The following TRPS1 variants were observed in gnomAD, a reference collection of about 807,000 sequenced individuals.
TRPS1 encodes transcriptional repressor GATA binding 1.
In TRPS1, 6 loss-of-function variants were observed where a neutral mutation model predicts 101.2. The ratio of observed to expected loss-of-function variants is 0.06; its 90% CI spans 0.03 to 0.12. TRPS1 has a LOEUF of 0.12. Ranked by LOEUF, TRPS1 falls within the 10% of genes least tolerant of loss-of-function variation. The pLI is 1.00. For synonymous variants in TRPS1, 578 were observed against 589.8 expected, an observed-to-expected ratio of 0.98 and a Z score of 0.29; for missense variants, 1,363 against 1,567.0, an observed-to-expected ratio of 0.87 and a Z score of 2.20.
At chr8:115,461,700 G>C (rs1232663702) in intron 5 of TRPS1, among the ~76,000 whole-genome samples, 1 of 152,088 alleles carries the variant, frequency 6.6e-6, no homozygotes, top group Non-Finnish European at 1.5e-5. Context: ...AACATATTAT[G>C]AAGTTTTCTT....
intron 1 of TRPS1, among the ~76,000 whole-genome samples, chr8:115,629,926 A>T (rs1326963260): frequency 6.6e-6 from 1 of 151,868 alleles, no homozygotes; most frequent in African/African-American, 2.4e-5. Flanking sequence ...TATAGACCCT[A>T]TCTCACCCTT....
intron 5 of TRPS1, among the ~76,000 whole-genome samples, chr8:115,452,098 C>T (rs2129931294): frequency 6.6e-6 from 1 of 152,270 alleles, no homozygotes; most frequent in East Asian, 1.9e-4. Context: ...TTTATTTTAA[C>T]AAGTGTGAGT....
At chr8:115,468,802 G>GA (rs1229766354) in intron 5 of TRPS1, among the ~76,000 whole-genome samples, 1 of 151,950 alleles carries the variant, frequency 6.6e-6, no homozygotes, top group African/African-American at 2.4e-5. Context: ...AATACATTTT[G>GA]AAAAAGGGAT....
At chr8:115,490,425 A>G (rs1814992775) in intron 5 of TRPS1, among the ~76,000 whole-genome samples, 1 of 152,178 alleles carries the variant, frequency 6.6e-6, no homozygotes, top group Admixed American at 6.5e-5. Flanking sequence ...TCTACTATAT[A>G]CACACATATG....
intron 5 of TRPS1, among the ~76,000 whole-genome samples, chr8:115,465,502 T>C (rs1045127595): frequency 1.3e-5 from 2 of 152,130 alleles, no homozygotes; most frequent in Non-Finnish European, 2.9e-5. Flanking sequence ...CTTAAATTTA[T>C]ATAAAAAATA....
chr8:115,453,141 CT>C (rs1813922885), intron 5 of TRPS1, among the ~76,000 whole-genome samples: 2 of 152,050 alleles, frequency 1.3e-5, no homozygotes, highest in African/African-American at 4.8e-5. Context: ...CTGCCTCAGC[CT>C]CCAGAGTAGC....
Position 115,418,247 on chromosome 8 carries a change from C to T in TRPS1, c.2823+83G>A. 6.2e-7 allele frequency: 1 copy of T among 1,611,846 alleles called. No individual in the cohort carries two copies. The highest frequency in any genetic ancestry group is 8.5e-7 in the Non-Finnish European group (1 of 1,178,640). ...CCCTGCGGGGGCAGGCACTGCAAGC[C>T]AGGGAATGGGACTTATCACACCACA... is the stretch of plus-strand genomic sequence containing the variant. On this transcript the variant is annotated intron_variant, in intron 6 of 6. Coordinates refer to ENST00000395715, the MANE Select transcript of TRPS1 (RefSeq NM_014112.5). The surrounding 1 kb of genome is among the most constrained non-coding windows in gnomAD (Gnocchi z 4.3).
At chr8:115,642,242 C>CATA (rs199493120) in intron 1 of TRPS1, among the ~76,000 whole-genome samples, 17,975 of 148,284 alleles carry the variant, frequency 0.12, 1,638 homozygotes, top group African/African-American at 0.24. Flanking sequence ...GAAAAGAAAC[C>CATA]TGTGTGTATA....
intron 1 of TRPS1, among the ~76,000 whole-genome samples, chr8:115,624,441 A>G (rs893788691): frequency 1.3e-5 from 2 of 151,956 alleles, no homozygotes; most frequent in Non-Finnish European, 2.9e-5. Flanking sequence ...GCAGGCCTAC[A>G]TTACATTATT....
chr8:115,439,478 A>C (rs903529117), intron 5 of TRPS1, among the ~76,000 whole-genome samples: 1 of 152,230 alleles, frequency 6.6e-6, no homozygotes, highest in African/African-American at 2.4e-5. Flanking sequence ...TAACTATGTA[A>C]TGTTCTTCAG....
chr8:115,529,107 T>C (rs1275712125), intron 5 of TRPS1, among the ~76,000 whole-genome samples: 1 of 151,868 alleles, frequency 6.6e-6, no homozygotes, highest in Admixed American at 6.6e-5. Flanking sequence ...ACAGGGAATA[T>C]AAAAAGGAAA....
chr8:115,652,024 C>G lies in TRPS1; in HGVS notation c.-122+16521G>C, dbSNP rs551783248. On this transcript the variant is annotated intron_variant, in intron 1 of 6. Transcript: ENST00000395715. The stretch of plus-strand genomic sequence containing the variant: ...CAAGTTAGGTCTAGAGGTGAAGGCT[C>G]AGAAGTTATTTCATTTGGATAAAAA... 3.3e-5 allele frequency among the ~76,000 whole-genome samples: 5 copies of G among 152,250 alleles called. No homozygotes were observed. The East Asian group carries it at 9.6e-4, about 29-fold the overall frequency.
intron 5 of TRPS1, among the ~76,000 whole-genome samples, chr8:115,488,980 T>A (rs1448944092): frequency 2.0e-5 from 3 of 152,182 alleles, no homozygotes; most frequent in African/African-American, 4.8e-5. Flanking sequence ...TTTAAAAAAA[T>A]TTTGTCTAAT....
chr8:115,477,077 C>T (rs1252116022), intron 5 of TRPS1, among the ~76,000 whole-genome samples: 4 of 152,044 alleles, frequency 2.6e-5, no homozygotes, highest in Admixed American at 2.6e-4. Flanking sequence ...TCATCCACAT[C>T]CTATCATTTA....
intron 5 of TRPS1, among the ~76,000 whole-genome samples, chr8:115,535,361 A>ATATATAGCG (rs1816283444): frequency 1.7e-5 from 2 of 117,612 alleles, no homozygotes; most frequent in African/African-American, 7.0e-5. Flanking sequence ...TATACATAGC[A>ATATATAGCG]CATATATATA....
chr8:115,604,061 G>C lies in TRPS1; in HGVS notation c.1908C>G (p.Thr636=), dbSNP rs1029558451. Residue 636 remains threonine, a synonymous_variant, in exon 4 of 7, where the codon ACC becomes ACG. Transcript: ENST00000395715. The surrounding 1 kb of genome is among the most constrained non-coding windows in gnomAD (Gnocchi z 4.1). The part of the protein sequence containing the change: ...KHQCHQCSFT[T]PDVDVLLFHY... ...GAAAGAGGAGTACATCTACGTCAGGGGTGGTGAATGAACACTGATGGCACT... is the reference window on the plus strand; with the variant it reads ...GAAAGAGGAGTACATCTACGTCAGGCGTGGTGAATGAACACTGATGGCACT... 1.9e-6 allele frequency: 3 copies of C among 1,614,028 alleles called. No individual in the cohort carries two copies. Among genetic ancestry groups the C allele is most frequent in the Non-Finnish European group, 2.5e-6 (3 of 1,179,988 alleles).
At chr8:115,499,181 C>T (rs929629399) in intron 5 of TRPS1, among the ~76,000 whole-genome samples, 3 of 152,094 alleles carry the variant, frequency 2.0e-5, no homozygotes, top group South Asian at 2.1e-4. Flanking sequence ...AGGGCATAGA[C>T]GTCTTGGTTA....
At chr8:115,621,701 G>A (rs1818396327) in intron 2 of TRPS1, among the ~76,000 whole-genome samples, 1 of 152,070 alleles carries the variant, frequency 6.6e-6, no homozygotes, top group Non-Finnish European at 1.5e-5. Context: ...GATCACCTGA[G>A]GTCAGGAGTT....
intron 5 of TRPS1, among the ~76,000 whole-genome samples, chr8:115,431,303 T>A (rs1403293840): frequency 6.6e-6 from 1 of 152,078 alleles, no homozygotes; most frequent in African/African-American, 2.4e-5. Context: ...TATAACTCAA[T>A]ATCTATGTTA....
Sources: gnomAD v4.1 joint callset for allele counts (sites outside exome capture counted in the v4.1 genomes callset) on GRCh38, gnomAD v4.1.1 for gene constraint, Gnocchi (gnomAD v3.1) non-coding constraint, MANE v1.5 for transcripts, NCBI Gene and HGNC (gene_info 2026-07-23, HGNC 2026-07-21) for gene names.